PIK3C2G: variants seen among roughly 807,000 people sequenced by gnomAD.
The protein encoded by PIK3C2G is phosphatidylinositol-4-phosphate 3-kinase catalytic subunit type 2 gamma, also known as phosphatidylinositol 3-kinase C2 domain-containing subunit gamma.
In PIK3C2G, 168 loss-of-function variants were observed where a neutral mutation model predicts 181.1. That is an observed-to-expected ratio of 0.93 (90% CI 0.82 to 1.05). The LOEUF is 1.05. PIK3C2G is among the 50% of genes least tolerant of loss of function. The pLI, the probability that PIK3C2G is intolerant of heterozygous loss-of-function variation, is 0.00. For synonymous variants in PIK3C2G, 573 were observed against 592.2 expected (o/e 0.97, Z 0.47); for missense variants, 1,869 against 1,732.8 (o/e 1.08, Z -1.40).
chr12:18,590,058 CATTT>C (rs973177386), intron 29 of PIK3C2G, among the ~76,000 whole-genome samples: 2 of 151,104 alleles, frequency 1.3e-5, no homozygotes, highest in African/African-American at 4.9e-5. Flanking sequence ...TCCAAACAAT[CATTT>C]ATTCTCTCTG....
At chr12:18,504,522 T>C (rs1389837937) in intron 23 of PIK3C2G, among the ~76,000 whole-genome samples, 2 of 152,168 alleles carry the variant, frequency 1.3e-5, no homozygotes, top group African/African-American at 4.8e-5. Context: ...GCATGTAGCC[T>C]GGTGACCTAG....
intron 11 of PIK3C2G, among the ~76,000 whole-genome samples, chr12:18,355,289 C>T (rs1940618478): frequency 6.6e-6 from 1 of 152,218 alleles, no homozygotes; most frequent in Non-Finnish European, 1.5e-5. Context: ...TATCAGCCAG[C>T]AGGGCTCACT....
At chr12:18,644,924 T>C (rs763681999) in intron 32 of PIK3C2G, among the ~76,000 whole-genome samples, 1 of 152,194 alleles carries the variant, frequency 6.6e-6, no homozygotes, top group Non-Finnish European at 1.5e-5. Flanking sequence ...AAATACACTT[T>C]AGAATTATTT....
the PIK3C2G span, chr12:18,693,341 G>C: frequency 4.5e-6 from 7 of 1,571,354 alleles, no homozygotes; most frequent in Non-Finnish European, 6.1e-6. Context: ...CAGATACTGG[G>C]GGGTTGGACA....
At chr12:18,638,868 G>C (rs1949713691) in intron 31 of PIK3C2G, among the ~76,000 whole-genome samples, 1 of 150,736 alleles carries the variant, frequency 6.6e-6, no homozygotes, top group Non-Finnish European at 1.5e-5. Context: ...AGGGATTATA[G>C]GCAGGATATC....
At chr12:18,650,321 C>A (rs201678199), downstream of PIK3C2G, among the ~76,000 whole-genome samples, 950 of 87,428 alleles carry the variant, frequency 0.011, 8 homozygotes, top group Non-Finnish European at 0.013. Context: ...CTCTCTCTCT[C>A]TCTCTCTCTC....
chr12:18,478,251 T>C (rs765616366), intron 18 of PIK3C2G, among the ~76,000 whole-genome samples: 2 of 152,162 alleles, frequency 1.3e-5, no homozygotes, highest in Non-Finnish European at 2.9e-5. Context: ...GCATTAATTA[T>C]ATATCAAGCA....
In PIK3C2G at chr12:18,574,363, G is replaced by A. The variant is rs139461128; in HGVS notation, c.4011+7306G>A. Among the ~76,000 whole-genome samples the A allele has an allele frequency of 1.6e-4, 24 of 152,156 alleles. 2 individuals carry two copies. The East Asian group carries it at 4.5e-3, about 28-fold the overall frequency. On this transcript the variant is annotated intron_variant, in intron 29 of 32. Coordinates refer to ENST00000538779, the MANE Select transcript of PIK3C2G (RefSeq NM_001288772.2). ...ATGAGAACCCATTTCTAATATTAAC[G>A]CGACTAGTCAATAAGCCACCATTTT...
At chr12:18,475,111 T>C (rs1938841698) in intron 18 of PIK3C2G, among the ~76,000 whole-genome samples, 1 of 151,860 alleles carries the variant, frequency 6.6e-6, no homozygotes, top group South Asian at 2.1e-4. Context: ...AAAATGAAAA[T>C]AACAATAAGA....
At chr12:18,683,527 G>T in the PIK3C2G span, 1 of 1,512,704 alleles carries the variant, frequency 6.6e-7, no homozygotes. Context: ...GCCCAAAACT[G>T]AATACACAGC....
At chr12:18,688,731 G>C in the PIK3C2G span, among the ~76,000 whole-genome samples, 2 of 152,024 alleles carry the variant, frequency 1.3e-5, no homozygotes, top group South Asian at 4.2e-4. Context: ...AATAATAATT[G>C]TATTTAAACT....
At chr12:18,693,278 G>A in the PIK3C2G span, 7 of 1,518,366 alleles carry the variant, frequency 4.6e-6, no homozygotes, top group Non-Finnish European at 6.4e-6. Context: ...TGGATGACAT[G>A]GATCCCCTGG....
chr12:18,454,471 G>C (rs80303051), intron 18 of PIK3C2G, among the ~76,000 whole-genome samples: 1 of 152,104 alleles, frequency 6.6e-6, no homozygotes, highest in Non-Finnish European at 1.5e-5. Context: ...GCAATGTAGG[G>C]AAGTGTGAAA....
intron 20 of PIK3C2G, 113 bp downstream of exon 20, chr12:18,491,671 T>A: frequency 1.7e-6 from 1 of 606,016 alleles, no homozygotes; most frequent in Admixed American, 3.0e-5. Context: ...GCAATTATTT[T>A]AACGAAAAAG....
intron 25 of PIK3C2G, among the ~76,000 whole-genome samples, chr12:18,542,094 G>C (rs1029567172): frequency 2.6e-5 from 4 of 151,812 alleles, no homozygotes; most frequent in African/African-American, 9.7e-5. Flanking sequence ...ATGTTTGATA[G>C]AGTTCTAACC....
intron 29 of PIK3C2G, among the ~76,000 whole-genome samples, chr12:18,581,469 C>T (rs1487486435): frequency 6.6e-6 from 1 of 152,190 alleles, no homozygotes; most frequent in African/African-American, 2.4e-5. Flanking sequence ...ATGTAATGCT[C>T]TACATAGGAG....
chr12:18,277,856 T>G (rs1949049380), intron 1 of PIK3C2G, among the ~76,000 whole-genome samples: 2 of 152,152 alleles, frequency 1.3e-5, no homozygotes, highest in African/African-American at 4.8e-5. Context: ...TGAAGCCAGA[T>G]AAGTAATTAA....
chr12:18,382,642 GC>G (rs1224177445), intron 14 of PIK3C2G, among the ~76,000 whole-genome samples: 2 of 152,106 alleles, frequency 1.3e-5, no homozygotes, highest in African/African-American at 4.8e-5. Context: ...GGTGGGGGCT[GC>G]TCTGTGTATT....
chr12:18,650,525 A>G (rs1427127059), downstream of PIK3C2G, among the ~76,000 whole-genome samples: 3 of 150,226 alleles, frequency 2.0e-5, no homozygotes, highest in African/African-American at 7.3e-5. Context: ...GCTATTTTGT[A>G]TGCTCATTTA....
Sources: gnomAD v4.1 joint callset for allele counts (sites outside exome capture counted in the v4.1 genomes callset) on GRCh38, gnomAD v4.1.1 for gene constraint, MANE v1.5 for transcripts, NCBI Gene and HGNC (gene_info 2026-07-23, HGNC 2026-07-21) for gene names.